MINDY4: variants seen among roughly 807,000 people sequenced by gnomAD.
MINDY4 encodes probable ubiquitin carboxyl-terminal hydrolase MINDY-4.
Under a neutral mutation model 87.0 loss-of-function variants are expected in MINDY4, and 68 were observed. That is an observed-to-expected ratio of 0.78 (90% confidence interval 0.64 to 0.96). The LOEUF (loss-of-function observed/expected upper bound fraction) is 0.96. MINDY4 is among the 40% of genes least tolerant of loss of function. The probability of loss-of-function intolerance (pLI) is 0.00; values close to 1 mark genes in which losing one functional copy is unlikely to be tolerated. For missense variants in MINDY4, 919 were observed against 928.2 expected (o/e 0.99, Z 0.13); for synonymous variants, 379 against 363.2 (o/e 1.04, Z -0.50).
chr7:30,816,033 G>A (rs1297843261), intron 5 of MINDY4, among the ~76,000 whole-genome samples: 1 of 152,048 alleles, frequency 6.6e-6, no homozygotes, highest in Non-Finnish European at 1.5e-5. Context: ...CTCTGTCCTT[G>A]ACTCCCACCT....
At chr7:30,812,988 G>A (rs761484406) in intron 5 of MINDY4, among the ~76,000 whole-genome samples, 7 of 152,218 alleles carry the variant, frequency 4.6e-5, no homozygotes, top group African/African-American at 1.7e-4. Flanking sequence ...CGTCTGCCTT[G>A]CTTGGGCCAT....
intron 17 of MINDY4, among the ~76,000 whole-genome samples, chr7:30,887,435 A>G (rs1790665166): frequency 6.6e-6 from 1 of 152,192 alleles, no homozygotes; most frequent in African/African-American, 2.4e-5. Context: ...TTGAGAGAAG[A>G]GCTGTGGAAG....
chr7:30,778,854 A>C (rs912403199), intron 2 of MINDY4, among the ~76,000 whole-genome samples: 2 of 152,168 alleles, frequency 1.3e-5, no homozygotes, highest in African/African-American at 4.8e-5. Context: ...TCCTCCCAAC[A>C]TGAGGCTATT....
At chr7:30,832,981 A>G (rs1319075799) in intron 6 of MINDY4, among the ~76,000 whole-genome samples, 1 of 152,146 alleles carries the variant, frequency 6.6e-6, no homozygotes, top group Non-Finnish European at 1.5e-5. Flanking sequence ...TGCAAAATCT[A>G]TACTGTTTTG....
At position 30,878,869 on chromosome 7, in the gene MINDY4, T is replaced by A. The variant is rs143924949; in HGVS notation, c.1971+3213T>A. Among the ~76,000 whole-genome samples, 336 of 152,250 alleles carry A rather than the reference T, an allele frequency of 2.2e-3. 3 individuals carry two copies. The highest frequency in any genetic ancestry group is 7.7e-3 in the African/African-American group (321 of 41,538). Reference sequence around the variant, plus strand: ...CATCAGGAGGACATGTGCCTCCCCCTGAAGTTGTTTCTCAAGCCCATCCAC... The same window carrying A: ...CATCAGGAGGACATGTGCCTCCCCCAGAAGTTGTTTCTCAAGCCCATCCAC... On this transcript the variant is annotated intron_variant, in intron 15 of 17. Coordinates refer to ENST00000265299, the MANE Select transcript of MINDY4 (RefSeq NM_032222.3).
chr7:30,823,790 T>G (rs368403761), intron 5 of MINDY4, among the ~76,000 whole-genome samples: 3 of 152,186 alleles, frequency 2.0e-5, no homozygotes, highest in African/African-American at 7.2e-5. Context: ...TAAGAGTTTT[T>G]TGTTTTGAGC....
chr7:30,800,110 C>T (rs149414226), intron 5 of MINDY4, among the ~76,000 whole-genome samples: 1 of 152,316 alleles, frequency 6.6e-6, no homozygotes, highest in East Asian at 1.9e-4. Context: ...ACATTGACAG[C>T]AGCTGGGAAG....
chr7:30,867,423 G>A (rs1441389954), intron 13 of MINDY4, among the ~76,000 whole-genome samples: 2 of 152,108 alleles, frequency 1.3e-5, no homozygotes, highest in Non-Finnish European at 2.9e-5. Flanking sequence ...GACATTTACC[G>A]AATGCCAAAT....
Position 30,785,989 on chromosome 7 carries a change from A to C in MINDY4, c.660A>C (p.Pro220=). ...TGTCTGGGCCCATCGCCAGCTCCCCACAGGTGGGGCTGTTGCTCTTTCTGT... is the reference window on the plus strand; with the variant it reads ...TGTCTGGGCCCATCGCCAGCTCCCCCCAGGTGGGGCTGTTGCTCTTTCTGT... ...GMMSGPIASS[P]QDSFHRHYLR... Residue 220 remains proline (P), a synonymous_variant, in exon 4 of 18, where the codon CCA becomes CCC. Transcript: ENST00000265299. 6.2e-7 allele frequency: 1 copy of C among 1,613,976 alleles called. No individual in the cohort carries two copies. The highest frequency in any genetic ancestry group is 8.5e-7 in the Non-Finnish European group (1 of 1,179,960).
chr7:30,820,601 T>TA (rs1788297357), intron 5 of MINDY4, among the ~76,000 whole-genome samples: 1 of 152,232 alleles, frequency 6.6e-6, no homozygotes. Flanking sequence ...TATATAAACT[T>TA]ACGGTGTCAG....
intron 6 of MINDY4, among the ~76,000 whole-genome samples, chr7:30,833,104 C>T (rs1263249989): frequency 6.6e-6 from 1 of 152,154 alleles, no homozygotes; most frequent in African/African-American, 2.4e-5. Context: ...GCTGGGTAGA[C>T]ATCTGATCTT....
At position 30,842,027 on chromosome 7, in the gene MINDY4, A is replaced by G. The variant is rs148626293; in HGVS notation, c.1445+1179A>G. On this transcript the variant is annotated intron_variant, in intron 9 of 17. Coordinates refer to ENST00000265299, the MANE Select transcript of MINDY4 (RefSeq NM_032222.3). ...CCATCCAGCCAAGCTTGGTACTCCAATGAAACACATTTCACCAGCACGGAT... is the reference window on the plus strand; with the variant it reads ...CCATCCAGCCAAGCTTGGTACTCCAGTGAAACACATTTCACCAGCACGGAT... Among the ~76,000 whole-genome samples, 10 of 152,340 alleles carry G rather than the reference A, an allele frequency of 6.6e-5. No homozygotes were observed. In the East Asian group the frequency reaches 9.6e-4, roughly 15 times the overall value.
chr7:30,801,376 T>C (rs1187891296), intron 5 of MINDY4, among the ~76,000 whole-genome samples: 2 of 152,224 alleles, frequency 1.3e-5, no homozygotes, highest in African/African-American at 2.4e-5. Context: ...CCGGTCATCC[T>C]GTGTGGATAG....
At chr7:30,861,993 G>C (rs1789780774) in intron 13 of MINDY4, among the ~76,000 whole-genome samples, 1 of 152,264 alleles carries the variant, frequency 6.6e-6, no homozygotes, top group Non-Finnish European at 1.5e-5. Context: ...GCAGTTCAGA[G>C]GTGTACTTGA....
intron 5 of MINDY4, among the ~76,000 whole-genome samples, chr7:30,799,863 T>C (rs1787595936): frequency 6.6e-6 from 1 of 152,042 alleles, no homozygotes; most frequent in Non-Finnish European, 1.5e-5. Flanking sequence ...GGGAAGGAGC[T>C]CAGCAAAGGT....
chr7:30,820,555 C>T (rs1010941676), intron 5 of MINDY4, among the ~76,000 whole-genome samples: 1 of 152,156 alleles, frequency 6.6e-6, no homozygotes, highest in African/African-American at 2.4e-5. Flanking sequence ...TGGCAACTAC[C>T]GATCTGTGAT....
intron 5 of MINDY4, among the ~76,000 whole-genome samples, chr7:30,808,202 T>A (rs6959443): frequency 0.6 from 91,769 of 151,990 alleles, 29,701 homozygotes; most frequent in African/African-American, 0.85. Context: ...TGGTGGCTGA[T>A]CACCAGGAAG....
intron 5 of MINDY4, among the ~76,000 whole-genome samples, chr7:30,827,498 A>G (rs535539476): frequency 1.3e-5 from 2 of 152,220 alleles, no homozygotes; most frequent in South Asian, 2.1e-4. Context: ...CCACCCCTCT[A>G]TGCCTTAACT....
chr7:30,889,273 G>C (rs746927827), intron 17 of MINDY4, among the ~76,000 whole-genome samples: 1 of 152,190 alleles, frequency 6.6e-6, no homozygotes, highest in African/African-American at 2.4e-5. Context: ...AATGCTCATC[G>C]TGTTGCTGCA....
Sources: gnomAD v4.1 joint callset for allele counts (sites outside exome capture counted in the v4.1 genomes callset) on GRCh38, gnomAD v4.1.1 for gene constraint, MANE v1.5 for transcripts, NCBI Gene and HGNC (gene_info 2026-07-23, HGNC 2026-07-21) for gene names.